Variants in ZNF827 observed in about 807,000 individuals in gnomAD.
ZNF827 encodes the protein zinc finger protein 827.
In ZNF827, 13 loss-of-function variants were observed where a neutral mutation model predicts 102.4. The observed-to-expected ratio is 0.13, with a 90% CI of 0.08 to 0.20. ZNF827 has a LOEUF of 0.20. Ranked by LOEUF, ZNF827 falls within the 10% of genes least tolerant of loss-of-function variation. The pLI is 1.00. For missense variants in ZNF827, 1,103 were observed against 1,344.4 expected, an observed-to-expected ratio of 0.82 and a Z score of 2.81; for synonymous variants, 523 against 536.2, an observed-to-expected ratio of 0.98 and a Z score of 0.34.
rs371610368 is a variant in ZNF827, at chr4:145,870,369, C to T, written c.1857G>A (p.Pro619=). Residue 619 remains proline, a synonymous_variant, in exon 5 of 15, where the codon CCG becomes CCA. Transcript: ENST00000508784. ...CGCCTGGGGCTGACACTTCAGATTCCGGGCTGAACACATAGCTGGACCGAG... is the reference window on the plus strand; with the variant it reads ...CGCCTGGGGCTGACACTTCAGATTCTGGGCTGAACACATAGCTGGACCGAG... ...TLPRSSYVFS[P]ESEVSAPGVS... is the part of the protein sequence containing the mutation. The T allele has an allele frequency of 6.8e-6, 11 of 1,613,974 alleles. No individual in the cohort carries two copies. Among genetic ancestry groups the T allele is most frequent in the African/African-American group, 2.7e-5 (2 of 74,904 alleles).
Position 145,765,843 on chromosome 4 carries a change from G to T in ZNF827, c.2861-105C>A, listed in dbSNP as rs1046239157. ...GTCTCATGGATGCATCATCATTCTG[G>T]GGGCACAGGCTCATGTCCCCAGCTC... On this transcript the variant is annotated intron_variant, in intron 11 of 14. Coordinates refer to ENST00000508784, the MANE Select transcript of ZNF827 (RefSeq NM_001306215.2). The surrounding 1 kb of genome is among the most constrained non-coding windows in gnomAD (Gnocchi z 4.7). 9.2e-6 allele frequency: 11 copies of T among 1,197,460 alleles called. No individual in the cohort carries two copies. Among genetic ancestry groups the T allele is most frequent in the Non-Finnish European group, 1.3e-5 (11 of 864,128 alleles). 74.2% of individuals were successfully genotyped at this position (1,197,460 alleles called of 1,614,324 possible).
In ZNF827 at chr4:145,849,251, A is replaced by G. The variant is rs574966374; in HGVS notation, c.2221+71T>C. 2.3e-4 allele frequency: 358 copies of G among 1,533,976 alleles called. No individual in the cohort carries two copies. In the African/African-American group the frequency reaches 4.7e-3, roughly 20 times the overall value. On this transcript the variant is annotated intron_variant, in intron 6 of 14. Transcript: ENST00000508784. ...CTATAATTCAGGTTTTTTTTTTTAAAAAAAACTGTGTTAGAAGGGTTTTCC... is the reference window on the plus strand; with the variant it reads ...CTATAATTCAGGTTTTTTTTTTTAAGAAAAACTGTGTTAGAAGGGTTTTCC...
At chr4:145,862,610 A>T (rs1255195836) in intron 5 of ZNF827, among the ~76,000 whole-genome samples, 4 of 152,228 alleles carry the variant, frequency 2.6e-5, no homozygotes, top group Non-Finnish European at 4.4e-5. Context: ...TGCTGGTCAC[A>T]TTCACTGTAA....
rs1259468598 is a variant in ZNF827 at position 145,929,283 on chromosome 4, A to G, written c.43+9082T>C. 1.1e-4 allele frequency among the ~76,000 whole-genome samples: 16 copies of G among 152,334 alleles called. No individual in the cohort carries two copies. In the East Asian group the frequency reaches 2.1e-3, roughly 20 times the overall value. On this transcript the variant is annotated intron_variant, in intron 1 of 14. Transcript: ENST00000508784. The stretch of plus-strand genomic sequence containing the variant: ...GTAAATAAACTATTACCTATGTAAC[A>G]TATGGAACACCTAATATAAATTTCG...
rs116474680 is a variant in ZNF827, at chr4:145,868,062, T to C, written c.1981+2183A>G. On this transcript the variant is annotated intron_variant, in intron 5 of 14. Coordinates refer to ENST00000508784, the MANE Select transcript of ZNF827 (RefSeq NM_001306215.2). ...CACTGTTCTATCAGTGATTAGAAACTCTAATATCCACTTTAAACCTAATTA... is the reference window on the plus strand; with the variant it reads ...CACTGTTCTATCAGTGATTAGAAACCCTAATATCCACTTTAAACCTAATTA... Among the ~76,000 whole-genome samples the C allele has an allele frequency of 2.8e-3, 421 of 152,330 alleles. 2 individuals carry two copies. The highest frequency in any genetic ancestry group is 7.5e-3 in the African/African-American group (312 of 41,570).
At chr4:145,847,610 T>C (rs1487691198) in intron 6 of ZNF827, among the ~76,000 whole-genome samples, 1 of 152,190 alleles carries the variant, frequency 6.6e-6, no homozygotes, top group Non-Finnish European at 1.5e-5. Context: ...TCAGAAATTA[T>C]TTAATGAGCT....
intron 1 of ZNF827, among the ~76,000 whole-genome samples, chr4:145,918,942 G>A (rs1752876398): frequency 1.3e-5 from 2 of 152,150 alleles, no homozygotes; most frequent in African/African-American, 4.8e-5. Context: ...CTAAGTGTCA[G>A]GTAAATAGAA....
Position 145,845,830 on chromosome 4 carries a change from G to A in ZNF827, c.2279+126C>T, listed in dbSNP as rs2126637670. On this transcript the variant is annotated intron_variant, in intron 7 of 14. Transcript: ENST00000508784. Reference sequence around the variant, plus strand: ...AACCAAGAAATTCTGGTAGAACATGGTGGTAAAGGGTGTGACTCCTTTGAA... The same window carrying A: ...AACCAAGAAATTCTGGTAGAACATGATGGTAAAGGGTGTGACTCCTTTGAA... The A allele has an allele frequency of 7.0e-6, 6 of 860,132 alleles. No homozygotes were observed. The South Asian group carries it at 9.7e-5, about 14-fold the overall frequency. 53.3% of individuals were successfully genotyped at this position (860,132 alleles called of 1,614,324 possible).
chr4:145,782,951 C>T (rs540629818), intron 8 of ZNF827, among the ~76,000 whole-genome samples: 1 of 152,342 alleles, frequency 6.6e-6, no homozygotes, highest in African/African-American at 2.4e-5. Flanking sequence ...CTTGGTGAAG[C>T]CCTGCCCAAT....
In ZNF827 at chr4:145,886,024, C is replaced by T; in HGVS notation, c.1401G>A (p.Glu467=). ...CCTTGACATCTGGGTCTGGGATCTC[C>T]TCCTTCACCTTGGCTTCTGTCCTCA... The part of the protein sequence containing the change: ...HFLRTEAKVK[E]EIPDPDVKGS... Residue 467 remains glutamate, a synonymous_variant, in exon 4 of 15, where the codon GAG becomes GAA. Transcript: ENST00000508784. 1 of 1,614,186 alleles carries T rather than the reference C, an allele frequency of 6.2e-7. No individual in the cohort carries two copies. Among genetic ancestry groups the T allele is most frequent in the Non-Finnish European group, 8.5e-7 (1 of 1,180,040 alleles).
At chr4:145,856,966 C>T (rs1436744699) in intron 5 of ZNF827, among the ~76,000 whole-genome samples, 1 of 144,156 alleles carries the variant, frequency 6.9e-6, no homozygotes, top group Non-Finnish European at 1.5e-5. Flanking sequence ...CTTTCTCGCT[C>T]ATGCGCGCGC....
intron 1 of ZNF827, among the ~76,000 whole-genome samples, chr4:145,906,904 A>T (rs991727789): frequency 4.6e-5 from 7 of 152,244 alleles, no homozygotes; most frequent in African/African-American, 1.7e-4. Context: ...GTATCTCTTA[A>T]ATTCATAATA....
In ZNF827 at chr4:145,898,127, C is replaced by T. The variant is rs796232281; in HGVS notation, c.1093+4039G>A. On this transcript the variant is annotated intron_variant, in intron 2 of 14. Coordinates refer to ENST00000508784, the MANE Select transcript of ZNF827 (RefSeq NM_001306215.2). ...CCGAGATCGCACCACCGCACTCTAG[C>T]CTGGGCTATAGAGCCAGACGCTGTC... 3.3e-5 allele frequency among the ~76,000 whole-genome samples: 5 copies of T among 152,314 alleles called. No homozygotes were observed. In the South Asian group the frequency reaches 1.0e-3, roughly 32 times the overall value.
At chr4:145,775,340 A>T (rs549676494) in intron 10 of ZNF827, among the ~76,000 whole-genome samples, 105 of 152,338 alleles carry the variant, frequency 6.9e-4, no homozygotes, top group Middle Eastern at 3.4e-3. Flanking sequence ...CATAAAATCC[A>T]CATACTAAAG....
At chr4:145,918,980 G>A (rs978516894) in intron 1 of ZNF827, among the ~76,000 whole-genome samples, 17 of 152,162 alleles carry the variant, frequency 1.1e-4, no homozygotes, top group Non-Finnish European at 1.9e-4. Context: ...ATTGAGCCAG[G>A]CACAGTGTCT....
At chr4:145,918,821 T>C (rs1186327787) in intron 1 of ZNF827, among the ~76,000 whole-genome samples, 1 of 152,226 alleles carries the variant, frequency 6.6e-6, no homozygotes, top group Admixed American at 6.5e-5. Flanking sequence ...CCACCTATTT[T>C]GTTTTGTTTT....
chr4:145,760,607 G>C lies in ZNF827; in HGVS notation c.*1009C>G, dbSNP rs1734342462. On this transcript the variant is annotated 3_prime_UTR_variant, in exon 15 of 15. Transcript: ENST00000508784. The stretch of plus-strand genomic sequence containing the variant: ...GGTCAATGCAATAGGTATACACACA[G>C]AGCCAATTTTCTATTCCTTACTAAA... 1 of 270,462 alleles carries C rather than the reference G, an allele frequency of 3.7e-6. No individual in the cohort carries two copies. Among genetic ancestry groups the C allele is most frequent in the South Asian group, 8.9e-5 (1 of 11,294 alleles). The allele number at this position is 270,462 out of a possible 1,614,324, so 16.8% of individuals were successfully genotyped here.
At chr4:145,903,485 G>A (rs1374916405) in intron 1 of ZNF827, among the ~76,000 whole-genome samples, 1 of 152,230 alleles carries the variant, frequency 6.6e-6, no homozygotes, top group African/African-American at 2.4e-5. Flanking sequence ...ATCTGGTAAA[G>A]AGGTAATTGG....
chr4:145,767,437 T>C (rs1735475954), intron 11 of ZNF827, among the ~76,000 whole-genome samples: 1 of 151,880 alleles, frequency 6.6e-6, no homozygotes, highest in Admixed American at 6.6e-5. Flanking sequence ...CCTGGTGGGG[T>C]GGGGAGGGTG....
Sources: gnomAD v4.1 joint callset for allele counts (sites outside exome capture counted in the v4.1 genomes callset) on GRCh38, gnomAD v4.1.1 for gene constraint, Gnocchi (gnomAD v3.1) non-coding constraint, MANE v1.5 for transcripts, NCBI Gene and HGNC (gene_info 2026-07-23, HGNC 2026-07-21) for gene names.